Variants in PTPRT observed in about 807,000 individuals in gnomAD.
The protein encoded by PTPRT is protein tyrosine phosphatase receptor type T.
A neutral mutation model predicts 176.8 loss-of-function variants in PTPRT; 56 were observed. The ratio of observed to expected loss-of-function variants is 0.32; its 90% CI spans 0.26 to 0.40. PTPRT has a LOEUF of 0.40. Among genes scored for constraint, PTPRT ranks in the 10% least tolerant of loss-of-function variants. The probability of loss-of-function intolerance (pLI) is 1.00; values close to 1 mark genes in which losing one functional copy is unlikely to be tolerated. For synonymous variants in PTPRT, 783 were observed against 739.0 expected (o/e 1.06, Z -0.96); for missense variants, 1,540 against 1,908.2 (o/e 0.81, Z 3.60).
intron 1 of PTPRT, among the ~76,000 whole-genome samples, chr20:43,175,327 G>A (rs1196644513): frequency 2.0e-5 from 3 of 152,230 alleles, no homozygotes; most frequent in South Asian, 2.1e-4. Context: ...GGGGTGTTAG[G>A]ATTCCCAAGA....
At chr20:42,415,645 G>A (rs1224492666) in intron 9 of PTPRT, among the ~76,000 whole-genome samples, 4 of 152,174 alleles carry the variant, frequency 2.6e-5, no homozygotes, top group Non-Finnish European at 5.9e-5. Flanking sequence ...GCTAGCATAG[G>A]ACTTGGCATT....
At chr20:42,720,606 A>G (rs1255616912) in intron 6 of PTPRT, among the ~76,000 whole-genome samples, 4 of 152,216 alleles carry the variant, frequency 2.6e-5, no homozygotes, top group Non-Finnish European at 1.5e-5. Context: ...GAAGTTGTCT[A>G]TAAGTCGTGC....
Position 42,076,496 on chromosome 20 carries a change from C to G in PTPRT, c.*4383G>C. 4.8e-6 allele frequency: 1 copy of G among 207,894 alleles called. No individual in the cohort carries two copies. The highest frequency in any genetic ancestry group is 9.8e-6 in the Non-Finnish European group (1 of 101,908). The allele number at this position is 207,894 out of a possible 1,614,324, so 12.9% of individuals were successfully genotyped here. On this transcript the variant is annotated 3_prime_UTR_variant, in exon 31 of 31. Coordinates refer to ENST00000373187, the MANE Select transcript of PTPRT (RefSeq NM_007050.6). ...GAGTTAATGGGTTCCTTCCAGCACC[C>G]AACTGGAAGATGCCTTAGTTGAGGT...
the PTPRT span, among the ~76,000 whole-genome samples, chr20:42,065,759 T>A: frequency 1.3e-5 from 2 of 152,236 alleles, no homozygotes; most frequent in Non-Finnish European, 2.9e-5. Flanking sequence ...GGGTGAGCGG[T>A]GTAATCTTCC....
intron 2 of PTPRT, among the ~76,000 whole-genome samples, chr20:42,836,011 G>A (rs927706130): frequency 6.6e-6 from 1 of 152,088 alleles, no homozygotes; most frequent in Admixed American, 6.5e-5. Context: ...GAGTTTGGAT[G>A]ATGCAAACCC....
chr20:42,187,971 A>C (rs1218636284), intron 16 of PTPRT, among the ~76,000 whole-genome samples: 1 of 152,224 alleles, frequency 6.6e-6, no homozygotes, highest in Non-Finnish European at 1.5e-5. Context: ...TATTCATGGC[A>C]AAGTCTCCAA....
chr20:42,742,031 C>T (rs1032764820), intron 6 of PTPRT, among the ~76,000 whole-genome samples: 1 of 152,110 alleles, frequency 6.6e-6, no homozygotes, highest in Non-Finnish European at 1.5e-5. Flanking sequence ...TAAAAGGTGG[C>T]GGTCAGCTCA....
chr20:42,419,956 T>C (rs1259495982), intron 9 of PTPRT, among the ~76,000 whole-genome samples: 1 of 152,082 alleles, frequency 6.6e-6, no homozygotes, highest in African/African-American at 2.4e-5. Flanking sequence ...ATGCCAAGGA[T>C]TGCTCATAAC....
chr20:42,129,882 G>A (rs1280013973), intron 18 of PTPRT, among the ~76,000 whole-genome samples: 1 of 152,156 alleles, frequency 6.6e-6, no homozygotes, highest in East Asian at 1.9e-4. Flanking sequence ...TCCATCCCCT[G>A]CACCTTTAAA....
At chr20:42,813,503 G>T (rs1296103572) in intron 2 of PTPRT, among the ~76,000 whole-genome samples, 1 of 147,766 alleles carries the variant, frequency 6.8e-6, no homozygotes, top group Non-Finnish European at 1.5e-5. Flanking sequence ...AGTATTTGTG[G>T]TATGCTTTAA....
At chr20:42,110,226 T>A in intron 23 of PTPRT, 107 bp downstream of exon 23, 1 of 1,058,850 alleles carries the variant, frequency 9.4e-7, no homozygotes, top group Non-Finnish European at 1.3e-6. Flanking sequence ...TTTTGTATCT[T>A]TCTTTAGTAG....
rs1986898155 is a variant in PTPRT, at chr20:42,110,351, G to A, written c.3236C>T (p.Pro1079Leu). The A allele has an allele frequency of 6.2e-7, 1 of 1,611,740 alleles. No homozygotes were observed. The highest frequency in any genetic ancestry group is 8.5e-7 in the Non-Finnish European group (1 of 1,178,428). Residue 1079 changes from proline to leucine, a missense_variant, in exon 23 of 31, where the codon CCC becomes CTC. Transcript: ENST00000373187. The stretch of plus-strand genomic sequence containing the variant: ...GACTTACCTGCAGTGGACCACTATG[G>A]GCCCAGCTTCCGGGGGGTTGAGGAA... Reference protein sequence around the residue: ...VKFLNPPEAGPIVVHCSAGAG... With the variant: ...VKFLNPPEAGLIVVHCSAGAG...
chr20:42,192,337 G>C lies in PTPRT; in HGVS notation c.2491+6903C>G, dbSNP rs73262913. On this transcript the variant is annotated intron_variant, in intron 16 of 30. Transcript: ENST00000373187. ...CAGCCTCTATTGTTTTAAAAGCCAT[G>C]ATCCGTCTTCCCTATTTGAATTGCT... 3.4e-3 allele frequency among the ~76,000 whole-genome samples: 524 copies of C among 152,282 alleles called. 4 individuals carry two copies. Among genetic ancestry groups the C allele is most frequent in the African/African-American group, 0.012 (502 of 41,566 alleles).
intron 6 of PTPRT, among the ~76,000 whole-genome samples, chr20:42,737,557 G>C (rs62205401): frequency 6.6e-6 from 1 of 151,850 alleles, no homozygotes; most frequent in African/African-American, 2.4e-5. Flanking sequence ...GCTTGAACCC[G>C]GGAGACGGAG....
intron 7 of PTPRT, among the ~76,000 whole-genome samples, chr20:42,522,691 C>T (rs955254982): frequency 5.9e-5 from 9 of 152,106 alleles, no homozygotes; most frequent in African/African-American, 2.2e-4. Context: ...CAAACCCTGA[C>T]CTCAAATTAT....
At chr20:42,294,157 G>T (rs1390361588) in intron 12 of PTPRT, among the ~76,000 whole-genome samples, 1 of 152,104 alleles carries the variant, frequency 6.6e-6, no homozygotes, top group Admixed American at 6.6e-5. Flanking sequence ...CAATTTGGAA[G>T]AGAAAAGAGG....
rs192073192 is a variant in PTPRT at position 42,534,963 on chromosome 20, C to A, written c.1154-62401G>T. 3.9e-5 allele frequency among the ~76,000 whole-genome samples: 6 copies of A among 152,244 alleles called. No homozygotes were observed. In the East Asian group the frequency reaches 1.2e-3, roughly 29 times the overall value. ...AAATGTTTAATGTATGAATTCTAAC[C>A]CACTGACTCTTCCCACTCGCCACGG... On this transcript the variant is annotated intron_variant, in intron 7 of 30. Transcript: ENST00000373187.
At chr20:42,289,036 C>T (rs776522981) in intron 12 of PTPRT, among the ~76,000 whole-genome samples, 6 of 151,830 alleles carry the variant, frequency 4.0e-5, no homozygotes, top group Non-Finnish European at 7.4e-5. Context: ...AAAGGACACC[C>T]GATTCAAAAA....
At chr20:42,812,414 A>G (rs1379182051) in intron 2 of PTPRT, among the ~76,000 whole-genome samples, 1 of 152,130 alleles carries the variant, frequency 6.6e-6, no homozygotes, top group Non-Finnish European at 1.5e-5. Context: ...CCAGTCTGGT[A>G]ACCTCTAATC....
Sources: gnomAD v4.1 joint callset for allele counts (sites outside exome capture counted in the v4.1 genomes callset) on GRCh38, gnomAD v4.1.1 for gene constraint, MANE v1.5 for transcripts, NCBI Gene and HGNC (gene_info 2026-07-23, HGNC 2026-07-21) for gene names.